Variants in CPM observed in about 807,000 individuals in gnomAD.
CPM encodes renal carboxypeptidase.
CPM carries 35 observed loss-of-function variants against 46.4 expected under a neutral mutation model. The observed-to-expected ratio is 0.75, with a 90% confidence interval of 0.58 to 1.00. CPM has a LOEUF of 1.00. CPM is among the 50% of genes least tolerant of loss of function. CPM has a pLI of 0.00. For synonymous variants in CPM, 195 were observed against 195.3 expected (o/e 1.00, Z 0.01); for missense variants, 422 against 530.4 (o/e 0.80, Z 2.01).
intron 1 of CPM, among the ~76,000 whole-genome samples, chr12:68,943,166 A>T (rs1198887358): frequency 6.6e-6 from 1 of 152,214 alleles, no homozygotes; most frequent in Admixed American, 6.5e-5. Flanking sequence ...TCTTAGCTTA[A>T]ACCCCAGCTC....
chr12:68,927,294 T>C, intron 2 of CPM, among the ~76,000 whole-genome samples: 1 of 151,404 alleles, frequency 6.6e-6, no homozygotes, highest in East Asian at 1.9e-4. Context: ...TGGTTTTGAT[T>C]TGCATTTCTC....
intron 2 of CPM, among the ~76,000 whole-genome samples, chr12:68,899,132 C>CA (rs1458680523): frequency 1.3e-5 from 2 of 152,154 alleles, no homozygotes; most frequent in African/African-American, 4.8e-5. Flanking sequence ...AAATAGACTA[C>CA]CACTCACTGA....
chr12:68,934,728 G>A (rs755464011), upstream of CPM, among the ~76,000 whole-genome samples: 1 of 152,220 alleles, frequency 6.6e-6, no homozygotes, highest in African/African-American at 2.4e-5. Flanking sequence ...CTCAGTGGCT[G>A]TGTCGACTCT....
At chr12:68,898,105 C>T (rs1201126131) in intron 2 of CPM, among the ~76,000 whole-genome samples, 2 of 149,618 alleles carry the variant, frequency 1.3e-5, no homozygotes, top group African/African-American at 2.4e-5. Flanking sequence ...CCACCCACCT[C>T]AGCCTCCCAA....
intron 1 of CPM, among the ~76,000 whole-genome samples, chr12:68,948,838 A>C (rs1367873232): frequency 1.3e-5 from 2 of 152,174 alleles, no homozygotes; most frequent in Admixed American, 6.5e-5. Context: ...CAACCCAGTA[A>C]GCATGCCAAT....
chr12:68,886,422 G>C (rs1397677732), intron 2 of CPM, among the ~76,000 whole-genome samples: 1 of 152,022 alleles, frequency 6.6e-6, no homozygotes, highest in African/African-American at 2.4e-5. Context: ...CACGAGGTCA[G>C]GAGATCGAGA....
At chr12:68,850,973 TATATAAC>T (rs2136203985), downstream of CPM, among the ~76,000 whole-genome samples, 1 of 152,176 alleles carries the variant, frequency 6.6e-6, no homozygotes, top group East Asian at 1.9e-4. Context: ...ATATATAATA[TATATAAC>T]ATATAGCATA....
At chr12:68,847,196 T>TTATATATATATATATATGTATA (rs59862219), downstream of CPM, 6 of 92,056 alleles carry the variant, frequency 6.5e-5, no homozygotes, top group East Asian at 9.9e-4. Context: ...TGTGTGTACA[T>TTATATATATATATATATGTATA]TATATATATA....
At chr12:68,873,120 A>G (rs2136234546) in intron 3 of CPM, among the ~76,000 whole-genome samples, 1 of 152,378 alleles carries the variant, frequency 6.6e-6, no homozygotes, top group East Asian at 1.9e-4. Context: ...TTGAGGGGTT[A>G]GTAAATGAGA....
chr12:68,957,918 A>C (rs1889050920), intron 1 of CPM, among the ~76,000 whole-genome samples: 1 of 128,786 alleles, frequency 7.8e-6, no homozygotes, highest in East Asian at 2.3e-4. Context: ...TTCAGTTCCC[A>C]CCTATGAGTG....
At chr12:68,926,328 A>G (rs190613621) in intron 2 of CPM, among the ~76,000 whole-genome samples, 96 of 152,232 alleles carry the variant, frequency 6.3e-4, no homozygotes, top group African/African-American at 2.2e-3. Flanking sequence ...TTTTTGTATT[A>G]AGTCTTCAAA....
Position 68,892,862 on chromosome 12 carries a change from A to G in CPM, c.161-6973T>C, listed in dbSNP as rs558578847. ...CGTCTCAAAACAAACAAAAAAACAAACCGAAAAGAAAGTAGGGTAAGCACG... is the reference window on the plus strand; with the variant it reads ...CGTCTCAAAACAAACAAAAAAACAAGCCGAAAAGAAAGTAGGGTAAGCACG... On this transcript the variant is annotated intron_variant, in intron 2 of 8. Coordinates refer to ENST00000551568, the MANE Select transcript of CPM (RefSeq NM_198320.5). Among the ~76,000 whole-genome samples, 9 of 152,022 alleles carry G rather than the reference A, an allele frequency of 5.9e-5. No homozygotes were observed. The East Asian group carries it at 1.2e-3, about 20-fold the overall frequency.
At chr12:68,872,013 A>G (rs1592646093) in intron 3 of CPM, 57 bp from the exon 4 acceptor site, 7 of 1,577,648 alleles carry the variant, frequency 4.4e-6, no homozygotes, top group Non-Finnish European at 6.1e-6. Flanking sequence ...TAAGGAAAGC[A>G]CTCCCTACGG....
intron 3 of CPM, among the ~76,000 whole-genome samples, chr12:68,874,749 T>C (rs999425004): frequency 6.6e-6 from 1 of 152,180 alleles, no homozygotes; most frequent in Non-Finnish European, 1.5e-5. Context: ...AAATGCTGGT[T>C]AGAGGCCATA....
At chr12:68,871,745 G>T in intron 4 of CPM, 39 bp downstream of exon 4, 1 of 1,609,498 alleles carries the variant, frequency 6.2e-7, no homozygotes, top group South Asian at 1.1e-5. Flanking sequence ...CCTTTGTGTT[G>T]TGTTGTTTTC....
chr12:68,866,347 T>C (rs966891937), intron 7 of CPM, among the ~76,000 whole-genome samples: 6 of 152,144 alleles, frequency 3.9e-5, no homozygotes, highest in Non-Finnish European at 8.8e-5. Context: ...TGTTTGTTTG[T>C]TTTTGAGATG....
chr12:68,932,395 C>T (rs1186173144), intron 2 of CPM, among the ~76,000 whole-genome samples: 1 of 152,190 alleles, frequency 6.6e-6, no homozygotes, highest in African/African-American at 2.4e-5. Flanking sequence ...ACATACATCC[C>T]AAATAACCAA....
intron 3 of CPM, among the ~76,000 whole-genome samples, chr12:68,882,035 T>TG (rs2136246169): frequency 1.3e-5 from 2 of 151,380 alleles, no homozygotes; most frequent in East Asian, 3.9e-4. Flanking sequence ...TTTTTTTTTT[T>TG]TTTTTTTTTT....
chr12:68,962,158 C>G (rs1173458402), intron 1 of CPM, among the ~76,000 whole-genome samples: 5 of 150,320 alleles, frequency 3.3e-5, no homozygotes, highest in South Asian at 4.2e-4. Flanking sequence ...CAAGATAGCG[C>G]CACTGCACTC....
Sources: gnomAD v4.1 joint callset for allele counts (sites outside exome capture counted in the v4.1 genomes callset) on GRCh38, gnomAD v4.1.1 for gene constraint, MANE v1.5 for transcripts, NCBI Gene and HGNC (gene_info 2026-07-23, HGNC 2026-07-21) for gene names.